Variants in CYP2C18 observed in about 807,000 individuals in gnomAD.
CYP2C18 encodes cytochrome P450 family 2 subfamily C member 18.
CYP2C18 carries 38 observed loss-of-function variants against 41.3 expected under a neutral mutation model. The ratio of observed to expected loss-of-function variants is 0.92; its 90% CI spans 0.71 to 1.21. The LOEUF (loss-of-function observed/expected upper bound fraction) is 1.21. Ranked by LOEUF, CYP2C18 falls within the 50% of genes most tolerant of loss-of-function variation. The pLI is 0.00. For synonymous variants in CYP2C18, 236 were observed against 210.0 expected, an observed-to-expected ratio of 1.12 and a Z score of -1.07; for missense variants, 635 against 591.4, an observed-to-expected ratio of 1.07 and a Z score of -0.77.
intron 6 of CYP2C18, among the ~76,000 whole-genome samples, chr10:94,722,681 C>T (rs975082709): frequency 6.6e-6 from 1 of 152,140 alleles, no homozygotes; most frequent in African/African-American, 2.4e-5. Flanking sequence ...CCCTCCACAA[C>T]TCCATTTGTC....
chr10:94,691,333 T>C (rs930845761), intron 3 of CYP2C18, among the ~76,000 whole-genome samples: 1 of 152,200 alleles, frequency 6.6e-6, no homozygotes, highest in African/African-American at 2.4e-5. Context: ...AGTCTCAGGA[T>C]ACAAAATAAA....
intron 8 of CYP2C18, chr10:94,733,692 A>C: frequency 1.4e-6 from 1 of 698,600 alleles, no homozygotes. Context: ...TTCTGCCTCT[A>C]GATACATCAC....
intron 5 of CYP2C18, among the ~76,000 whole-genome samples, chr10:94,719,324 C>A (rs1847608256): frequency 6.6e-6 from 1 of 152,046 alleles, no homozygotes; most frequent in African/African-American, 2.4e-5. Flanking sequence ...CAGTGCAGAA[C>A]TAGTACTGTA....
At chr10:94,721,469 A>T (rs1461061254) in intron 6 of CYP2C18, among the ~76,000 whole-genome samples, 1 of 151,950 alleles carries the variant, frequency 6.6e-6, no homozygotes, top group African/African-American at 2.4e-5. Context: ...GTAAATTTCT[A>T]TTTTTATAGA....
rs531076517 is a variant in CYP2C18 at position 94,735,494 on chromosome 10, C to T, written c.*50C>T. 6.3e-7 allele frequency: 1 copy of T among 1,578,318 alleles called. No homozygotes were observed. Among genetic ancestry groups the T allele is most frequent in the African/African-American group, 1.3e-5 (1 of 74,238 alleles). On this transcript the variant is annotated 3_prime_UTR_variant, in exon 9 of 9. Coordinates refer to ENST00000285979, the MANE Select transcript of CYP2C18 (RefSeq NM_000772.3). ...CCTGTGCTGTCACCTGCAATTCTCCCTTATCAGGGCCATTGGCCTCTCCCT... is the reference window on the plus strand; with the variant it reads ...CCTGTGCTGTCACCTGCAATTCTCCTTTATCAGGGCCATTGGCCTCTCCCT...
At chr10:94,720,308 T>G in intron 5 of CYP2C18, 88 bp from the exon 6 acceptor site, 1 of 1,223,028 alleles carries the variant, frequency 8.2e-7, no homozygotes, top group Non-Finnish European at 1.1e-6. Flanking sequence ...CTTCCTTATC[T>G]TTAGAACAAC....
intron 6 of CYP2C18, among the ~76,000 whole-genome samples, chr10:94,723,846 T>C (rs1564647782): frequency 6.6e-6 from 1 of 152,178 alleles, no homozygotes; most frequent in African/African-American, 2.4e-5. Flanking sequence ...AAGAAACTTC[T>C]AGAATGTTTC....
chr10:94,735,355 G>A lies in CYP2C18; in HGVS notation c.1384G>A (p.Val462Ile). Residue 462 changes from valine (V) to isoleucine (I), a missense_variant, in exon 9 of 9, where the codon GTT becomes ATT. By Grantham distance (29) the Val-to-Ile change is conservative (BLOSUM62 3). Transcript: ENST00000285979. Reference protein sequence around the residue: ...ILQNFNLKSQVDPKDIDITPI... With the variant: ...ILQNFNLKSQIDPKDIDITPI... Reference sequence around the variant, plus strand: ...GCAGAACTTTAACCTGAAATCTCAGGTTGACCCAAAGGATATTGACATCAC... The same window carrying A: ...GCAGAACTTTAACCTGAAATCTCAGATTGACCCAAAGGATATTGACATCAC... 1 of 1,613,688 alleles carries A rather than the reference G, an allele frequency of 6.2e-7. No homozygotes were observed. The highest frequency in any genetic ancestry group is 8.5e-7 in the Non-Finnish European group (1 of 1,179,738).
intron 7 of CYP2C18, among the ~76,000 whole-genome samples, chr10:94,727,226 G>A (rs980502976): frequency 7.2e-5 from 11 of 152,086 alleles, no homozygotes; most frequent in African/African-American, 2.4e-4. Flanking sequence ...AACCATTTAA[G>A]GTGGGTGTAA....
intron 6 of CYP2C18, among the ~76,000 whole-genome samples, chr10:94,722,199 C>T (rs988430806): frequency 6.6e-6 from 1 of 152,038 alleles, no homozygotes; most frequent in African/African-American, 2.4e-5. Flanking sequence ...GATATTTAAG[C>T]AGAAAATGTG....
intron 5 of CYP2C18, among the ~76,000 whole-genome samples, chr10:94,713,065 T>A (rs1362650851): frequency 6.6e-6 from 1 of 152,132 alleles, no homozygotes; most frequent in Non-Finnish European, 1.5e-5. Context: ...TTGTTTAAGT[T>A]CCACATATAT....
At chr10:94,716,345 C>G (rs147282382) in intron 5 of CYP2C18, among the ~76,000 whole-genome samples, 7,261 of 152,252 alleles carry the variant, frequency 0.048, 235 homozygotes, top group South Asian at 0.11. Context: ...CCTCTACACA[C>G]TGCTTTAAAT....
Position 94,701,749 on chromosome 10 carries a change from T to C in CYP2C18, c.643-5035T>C, listed in dbSNP as rs554021373. Among the ~76,000 whole-genome samples the C allele has an allele frequency of 1.6e-3, 237 of 152,336 alleles. 1 individual carries two copies. Among genetic ancestry groups the C allele is most frequent in the Non-Finnish European group, 2.7e-3 (187 of 68,026 alleles). On this transcript the variant is annotated intron_variant, in intron 4 of 8. Coordinates refer to ENST00000285979, the MANE Select transcript of CYP2C18 (RefSeq NM_000772.3). Reference sequence around the variant, plus strand: ...GATGGCAGGTCAACTTTCTGTCATCTTGTCCAAGGGAAAAGCACACTAAGC... The same window carrying C: ...GATGGCAGGTCAACTTTCTGTCATCCTGTCCAAGGGAAAAGCACACTAAGC...
At chr10:94,716,829 G>T (rs757330816) in intron 5 of CYP2C18, among the ~76,000 whole-genome samples, 1 of 152,110 alleles carries the variant, frequency 6.6e-6, no homozygotes, top group African/African-American at 2.4e-5. Flanking sequence ...TATCTTCGTA[G>T]GTCTCTAAGG....
At chr10:94,733,820 C>T (rs1255638445) in intron 8 of CYP2C18, among the ~76,000 whole-genome samples, 2 of 152,004 alleles carry the variant, frequency 1.3e-5, no homozygotes, top group South Asian at 2.1e-4. Context: ...TCCCTAGCTC[C>T]CTAGACTGAG....
intron 1 of CYP2C18, among the ~76,000 whole-genome samples, chr10:94,685,433 C>T (rs763462822): frequency 2.6e-5 from 4 of 152,134 alleles, no homozygotes; most frequent in Non-Finnish European, 1.5e-5. Context: ...GTTTTGCTTT[C>T]ATGGCCTGTA....
At chr10:94,695,137 ATT>A in intron 4 of CYP2C18, 60 bp downstream of exon 4, 1 of 1,413,602 alleles carries the variant, frequency 7.1e-7, no homozygotes, top group Non-Finnish European at 9.6e-7. Flanking sequence ...AGACAGTCCA[ATT>A]TTTTTAATTT....
In CYP2C18 at chr10:94,733,294, C is replaced by T. The variant is rs1476629297; in HGVS notation, c.1150-3C>T. The T allele has an allele frequency of 6.2e-7, 1 of 1,610,648 alleles. No homozygotes were observed. The highest frequency in any genetic ancestry group is 8.5e-7 in the Non-Finnish European group (1 of 1,178,482). On this transcript the variant is annotated splice_region_variant and splice_polypyrimidine_tract_variant and intron_variant, in intron 7 of 8. Coordinates refer to ENST00000285979, the MANE Select transcript of CYP2C18 (RefSeq NM_000772.3). Reference sequence around the variant, plus strand: ...CTTAGTTTGTCTGTTTTGCTATTTTCAGGGCACGACCATAATAACATCCCT... The same window carrying T: ...CTTAGTTTGTCTGTTTTGCTATTTTTAGGGCACGACCATAATAACATCCCT...
intron 8 of CYP2C18, chr10:94,733,656 A>G: frequency 1.1e-6 from 1 of 942,704 alleles, no homozygotes; most frequent in East Asian, 1.2e-4. Flanking sequence ...TTCAAACTGA[A>G]AAAGCTAGAA....
Sources: gnomAD v4.1 joint callset for allele counts (sites outside exome capture counted in the v4.1 genomes callset) on GRCh38, gnomAD v4.1.1 for gene constraint, MANE v1.5 for transcripts, NCBI Gene and HGNC (gene_info 2026-07-23, HGNC 2026-07-21) for gene names.